Variants in CCDC7 observed in about 807,000 individuals in gnomAD.
CCDC7 encodes coiled-coil domain-containing protein 7.
A neutral mutation model predicts 196.9 loss-of-function variants in CCDC7; 183 were observed. That is an observed-to-expected ratio of 0.93 (90% confidence interval 0.82 to 1.05). CCDC7 has a LOEUF of 1.05. CCDC7 is among the 50% of genes least tolerant of loss of function. CCDC7 has a pLI of 0.00. For synonymous variants in CCDC7, 525 were observed against 484.6 expected (o/e 1.08, Z -1.10); for missense variants, 1,540 against 1,482.2 (o/e 1.04, Z -0.64).
chr10:32,545,478 A>G (rs1396988625), intron 13 of CCDC7, among the ~76,000 whole-genome samples: 1 of 152,188 alleles, frequency 6.6e-6, no homozygotes, highest in Non-Finnish European at 1.5e-5. Flanking sequence ...TGAGTGTTAC[A>G]TGGTTTGGGA....
chr10:32,740,728 C>G (rs2085685831), intron 28 of CCDC7, among the ~76,000 whole-genome samples: 1 of 152,112 alleles, frequency 6.6e-6, no homozygotes, highest in Non-Finnish European at 1.5e-5. Flanking sequence ...TTTGGTGGCT[C>G]CAAGTTCTTA....
At chr10:32,675,505 C>G (rs75029009) in intron 21 of CCDC7, among the ~76,000 whole-genome samples, 5,192 of 152,100 alleles carry the variant, frequency 0.034, 301 homozygotes, top group African/African-American at 0.12. Flanking sequence ...ATCCTTAATA[C>G]TTTTGCTTTT....
At chr10:32,630,870 G>A (rs967271311) in intron 18 of CCDC7, among the ~76,000 whole-genome samples, 1 of 152,112 alleles carries the variant, frequency 6.6e-6, no homozygotes, top group Non-Finnish European at 1.5e-5. Flanking sequence ...TCAGGAAATG[G>A]GGTCTACCCA....
intron 25 of CCDC7, among the ~76,000 whole-genome samples, chr10:32,722,123 A>G (rs2082500326): frequency 6.6e-6 from 1 of 152,100 alleles, no homozygotes; most frequent in Non-Finnish European, 1.5e-5. Flanking sequence ...CCCCTAGTTC[A>G]TGGATTTTTT....
intron 21 of CCDC7, among the ~76,000 whole-genome samples, chr10:32,677,597 A>G (rs1297976502): frequency 6.6e-6 from 1 of 151,864 alleles, no homozygotes; most frequent in Non-Finnish European, 1.5e-5. Context: ...TGATAGTTTT[A>G]TGGGTTTATC....
At chr10:32,719,722 G>A (rs745554366) in intron 25 of CCDC7, among the ~76,000 whole-genome samples, 37 of 152,058 alleles carry the variant, frequency 2.4e-4, no homozygotes, top group Admixed American at 5.2e-4. Context: ...ATATGAACAG[G>A]CACTTTTCAA....
intron 15 of CCDC7, among the ~76,000 whole-genome samples, chr10:32,568,756 C>A (rs764988896): frequency 2.0e-5 from 3 of 152,184 alleles, no homozygotes; most frequent in Non-Finnish European, 4.4e-5. Context: ...TAGTCATTTA[C>A]ACAAGACCAT....
intron 39 of CCDC7, among the ~76,000 whole-genome samples, chr10:32,849,114 GTTT>G (rs76259220): frequency 7.8e-6 from 1 of 128,048 alleles, no homozygotes. Flanking sequence ...GCTGGGTTTT[GTTT>G]TTTTTTTTTC....
At chr10:32,514,293 T>A (rs1219205828) in intron 9 of CCDC7, 2 of 152,338 alleles carry the variant, frequency 1.3e-5, no homozygotes, top group East Asian at 3.9e-4. Flanking sequence ...TATTATTAGT[T>A]GAGATGAGGT....
intron 25 of CCDC7, among the ~76,000 whole-genome samples, chr10:32,715,761 G>A (rs566938213): frequency 6.6e-6 from 1 of 152,248 alleles, no homozygotes; most frequent in South Asian, 2.1e-4. Flanking sequence ...GCATACACAA[G>A]TATCAATAGA....
At chr10:32,648,132 G>A (rs2068094509) in intron 20 of CCDC7, among the ~76,000 whole-genome samples, 1 of 150,180 alleles carries the variant, frequency 6.7e-6, no homozygotes, top group South Asian at 2.1e-4. Flanking sequence ...AATATCAGAT[G>A]GCTGTAGGTG....
At chr10:32,774,879 G>C (rs138436124) in intron 28 of CCDC7, among the ~76,000 whole-genome samples, 314 of 152,272 alleles carry the variant, frequency 2.1e-3, no homozygotes, top group Middle Eastern at 0.01. Flanking sequence ...GATTTTGTGG[G>C]AAATGGATAG....
chr10:32,825,307 G>A (rs1437817061), intron 32 of CCDC7, among the ~76,000 whole-genome samples: 1 of 152,174 alleles, frequency 6.6e-6, no homozygotes, highest in Non-Finnish European at 1.5e-5. Flanking sequence ...TGCCAAAAGA[G>A]ATTAACATTT....
intron 21 of CCDC7, among the ~76,000 whole-genome samples, chr10:32,673,568 T>G (rs1035458135): frequency 5.9e-5 from 9 of 152,046 alleles, no homozygotes; most frequent in African/African-American, 2.2e-4. Flanking sequence ...TAGTTCGTTG[T>G]TAGTATATTA....
chr10:32,827,330 G>A (rs1004055263), intron 32 of CCDC7, among the ~76,000 whole-genome samples: 4 of 152,136 alleles, frequency 2.6e-5, no homozygotes, highest in African/African-American at 7.2e-5. Flanking sequence ...ACCATTCCTC[G>A]GTACCTGGTG....
chr10:32,694,540 C>G (rs1046475207), intron 23 of CCDC7, among the ~76,000 whole-genome samples: 2 of 152,120 alleles, frequency 1.3e-5, no homozygotes, highest in Non-Finnish European at 2.9e-5. Context: ...GTAGTTTTGA[C>G]TATTTTGCAA....
At chr10:32,677,187 G>A (rs1483675210) in intron 21 of CCDC7, among the ~76,000 whole-genome samples, 1 of 142,834 alleles carries the variant, frequency 7.0e-6, no homozygotes, top group East Asian at 2.1e-4. Flanking sequence ...GACACAGGAA[G>A]GGGAACATCA....
intron 30 of CCDC7, among the ~76,000 whole-genome samples, chr10:32,813,672 A>T (rs182433575): frequency 3.8e-4 from 58 of 152,322 alleles, no homozygotes; most frequent in Non-Finnish European, 2.9e-4. Context: ...TTTTTAGTGT[A>T]AACTTGAAAG....
intron 25 of CCDC7, among the ~76,000 whole-genome samples, chr10:32,719,271 G>T (rs935511801): frequency 4.6e-5 from 7 of 152,150 alleles, no homozygotes; most frequent in Non-Finnish European, 1.0e-4. Flanking sequence ...ACAAGCAACG[G>T]AGAAAGGATT....
Sources: gnomAD v4.1 joint callset for allele counts (sites outside exome capture counted in the v4.1 genomes callset) on GRCh38, gnomAD v4.1.1 for gene constraint, MANE v1.5 for transcripts, NCBI Gene and HGNC (gene_info 2026-07-23, HGNC 2026-07-21) for gene names.